TXNDC11: variants seen among roughly 807,000 people sequenced by gnomAD.
The protein encoded by TXNDC11 is thioredoxin domain containing 11.
In TXNDC11, 68 loss-of-function variants were observed where a neutral mutation model predicts 78.0. The observed-to-expected ratio is 0.87, with a 90% CI of 0.72 to 1.07. The LOEUF (loss-of-function observed/expected upper bound fraction) is 1.07. Among genes scored for constraint, TXNDC11 ranks in the 50% least tolerant of loss-of-function variants. The probability of loss-of-function intolerance (pLI) is 0.00; values close to 1 mark genes in which losing one functional copy is unlikely to be tolerated. For missense variants in TXNDC11, 1,389 were observed against 1,221.8 expected (o/e 1.14, Z -2.04); for synonymous variants, 571 against 495.2 (o/e 1.15, Z -2.03).
chr16:11,679,251 C>G lies in TXNDC11; in HGVS notation c.2821G>C (p.Ala941Pro). 9 of 1,613,414 alleles carry G rather than the reference C, an allele frequency of 5.6e-6. No individual in the cohort carries two copies. The highest frequency in any genetic ancestry group is 7.6e-6 in the Non-Finnish European group (9 of 1,180,022). ...GACACCAGTGTGGCGCTGACATTGG[C>G]AGGTGGAGGGGAGCTGCCAGGGAGC... ...PQLPGSSPPP[A>P]NVSATLVSER... is the part of the protein sequence containing the mutation. Residue 941 changes from alanine (A) to proline (P), a missense_variant, in exon 12 of 12, where the codon GCC (alanine) becomes CCC (proline). Transcript: ENST00000283033. The surrounding 1 kb of genome is among the most constrained non-coding windows in gnomAD (Gnocchi z 4.6).
chr16:11,698,654 T>C (rs1350494721), intron 6 of TXNDC11, among the ~76,000 whole-genome samples: 2 of 152,364 alleles, frequency 1.3e-5, no homozygotes, highest in Admixed American at 1.3e-4. Flanking sequence ...GGACAGGTAT[T>C]AAACGTCACT....
chr16:11,714,904 A>T (rs1411233584), intron 5 of TXNDC11, among the ~76,000 whole-genome samples: 2 of 152,106 alleles, frequency 1.3e-5, no homozygotes, highest in African/African-American at 4.8e-5. Flanking sequence ...TCATCAACTG[A>T]GTTTAGGAAT....
At chr16:11,728,621 C>A (rs1251912908) in intron 4 of TXNDC11, among the ~76,000 whole-genome samples, 1 of 152,136 alleles carries the variant, frequency 6.6e-6, no homozygotes, top group Non-Finnish European at 1.5e-5. Context: ...CTAACATGAA[C>A]TCCACACCAA....
chr16:11,688,057 G>A (rs2050613599), intron 9 of TXNDC11, 91 bp from the exon 10 acceptor site: 15 of 1,074,630 alleles, frequency 1.4e-5, no homozygotes, highest in South Asian at 1.3e-4. Context: ...GCAAGCACCC[G>A]AAAAATGCTA....
Position 11,742,692 on chromosome 16 carries a change from G to C in TXNDC11, c.39C>G (p.Ser13Arg), listed in dbSNP as rs1324105336. ...ECGGRGGGSS[S>R]SEDAEDEGGG... is the part of the protein sequence containing the mutation. ...CTCCCTCGTCCTCGGCGTCCTCGCT[G>C]CTGCTGCTGCCGCCGCCGCGGCCTC... The change falls in exon 1 of 12, where the codon AGC becomes AGG. Residue 13 changes from serine (S) to arginine (R), a missense_variant. Physicochemically the swap from Ser to Arg is moderately radical, Grantham distance 110. Transcript: ENST00000283033. 6.8e-7 allele frequency: 1 copy of C among 1,479,426 alleles called. No individual in the cohort carries two copies. The highest frequency in any genetic ancestry group is 2.8e-5 in the East Asian group (1 of 35,288). 91.6% of individuals were successfully genotyped at this position (1,479,426 alleles called of 1,614,324 possible).
At chr16:11,736,918 T>C (rs1221604263) in intron 1 of TXNDC11, among the ~76,000 whole-genome samples, 1 of 151,994 alleles carries the variant, frequency 6.6e-6, no homozygotes, top group Non-Finnish European at 1.5e-5. Flanking sequence ...AACAAACAAG[T>C]GGTCAGAAGT....
chr16:11,688,385 C>G lies in TXNDC11; in HGVS notation c.1961G>C (p.Ser654Thr), dbSNP rs1229281654. The G allele has an allele frequency of 1.2e-6, 2 of 1,613,888 alleles. No individual in the cohort carries two copies. Among genetic ancestry groups the G allele is most frequent in the East Asian group, 4.5e-5 (2 of 44,892 alleles). ...YSPLKRHLIG[S>T]GSAQFPSQHL... ...CTGAGACGGGAACTGGGCAGAGCCA[C>G]TTCCAATGAGATGCCTTTTCAAGGG... Residue 654 changes from serine to threonine, a missense_variant, in exon 9 of 12, where the codon AGT becomes ACT. Physicochemically the swap from Ser to Thr is moderately conservative, Grantham distance 58. Coordinates refer to ENST00000283033, the MANE Select transcript of TXNDC11 (RefSeq NM_015914.7).
At chr16:11,726,320 C>T (rs749485362) in intron 4 of TXNDC11, among the ~76,000 whole-genome samples, 3 of 152,102 alleles carry the variant, frequency 2.0e-5, no homozygotes, top group Non-Finnish European at 4.4e-5. Flanking sequence ...CGGTGCCTCA[C>T]GCCTGCAATC....
intron 1 of TXNDC11, chr16:11,741,935 G>A (rs1334296993): frequency 6.6e-6 from 1 of 152,574 alleles, no homozygotes; most frequent in African/African-American, 2.4e-5. Context: ...CAGGAGCTGA[G>A]GCAGAAGAAC....
Position 11,691,917 on chromosome 16 carries a change from T to G in TXNDC11, c.1273A>C (p.Asn425His), listed in dbSNP as rs1476109721. The G allele has an allele frequency of 6.2e-7, 1 of 1,613,648 alleles. No homozygotes were observed. Among genetic ancestry groups the G allele is most frequent in the Admixed American group, 1.7e-5 (1 of 60,024 alleles). ...PPTITASPCCNTVVLPQWHSF... is the reference protein window; with the variant it reads ...PPTITASPCCHTVVLPQWHSF... ...TGCCACTGGGGCAGCACCACAGTGTTGCAGCAGGGGGACGCTGTGATCGTT... is the reference window on the plus strand; with the variant it reads ...TGCCACTGGGGCAGCACCACAGTGTGGCAGCAGGGGGACGCTGTGATCGTT... Residue 425 changes from asparagine to histidine, a missense_variant, in exon 8 of 12, where the codon AAC (asparagine) becomes CAC (histidine). Transcript: ENST00000283033.
chr16:11,724,549 A>G (rs1253563833), intron 4 of TXNDC11, among the ~76,000 whole-genome samples: 1 of 152,088 alleles, frequency 6.6e-6, no homozygotes, highest in Non-Finnish European at 1.5e-5. Context: ...GGATCACCTG[A>G]CCTCAGGAGT....
At chr16:11,708,563 C>A (rs1248941898) in intron 5 of TXNDC11, among the ~76,000 whole-genome samples, 2 of 152,218 alleles carry the variant, frequency 1.3e-5, no homozygotes, top group African/African-American at 4.8e-5. Flanking sequence ...GAGACTTCTG[C>A]ATGAGCTCAT....
intron 1 of TXNDC11, chr16:11,742,064 G>C (rs995999419): frequency 7.2e-5 from 13 of 179,862 alleles, no homozygotes; most frequent in Non-Finnish European, 1.3e-4. Context: ...CAATGAGTGC[G>C]GGAATTCTAA....
chr16:11,692,217 C>T (rs1392534862), intron 7 of TXNDC11, 135 bp from the exon 8 acceptor site: 3 of 696,550 alleles, frequency 4.3e-6, no homozygotes, highest in East Asian at 5.6e-5. Flanking sequence ...TGGAAAATTC[C>T]AGAAATAAAC....
In TXNDC11 at chr16:11,691,945, C is replaced by T. The variant is rs1305337937; in HGVS notation, c.1245G>A (p.Pro415=). 4.3e-6 allele frequency: 7 copies of T among 1,611,274 alleles called. No individual in the cohort carries two copies. Among genetic ancestry groups the T allele is most frequent in the South Asian group, 2.2e-5 (2 of 90,938 alleles). The part of the protein sequence containing the change: ...ALEVPAQLPD[P]PTITASPCCN... ...AGCAGGGGGACGCTGTGATCGTTGG[C>T]GGGTCTGGCAGCTGTGCCGGCACTT... The change falls in exon 8 of 12, where the codon CCG becomes CCA. Residue 415 remains proline (P), a synonymous_variant. Coordinates refer to ENST00000283033, the MANE Select transcript of TXNDC11 (RefSeq NM_015914.7).
chr16:11,715,240 A>G (rs2051494535), intron 5 of TXNDC11, among the ~76,000 whole-genome samples: 1 of 152,210 alleles, frequency 6.6e-6, no homozygotes, highest in Non-Finnish European at 1.5e-5. Flanking sequence ...ACAAAACAAA[A>G]CAAAAAAATA....
Position 11,701,270 on chromosome 16 carries a change from G to A in TXNDC11, c.794-706C>T, listed in dbSNP as rs572328014. Among the ~76,000 whole-genome samples, 28 of 150,910 alleles carry A rather than the reference G, an allele frequency of 1.9e-4. No individual in the cohort carries two copies. The South Asian group carries it at 5.4e-3, about 29-fold the overall frequency. ...TCCTGCTTCAGCCTCCCAAGTAGCT[G>A]CAATTACAGGCGTGTGCCACCACAC... On this transcript the variant is annotated intron_variant, in intron 5 of 11. Transcript: ENST00000283033.
Position 11,679,849 on chromosome 16 carries a change from G to C in TXNDC11, c.2235-12C>G. ...CACTTAGGTCCTTTCTGGAGAGAGA[G>C]GGAAAGGAAGCAAAGACAGGAGTCA... On this transcript the variant is annotated splice_polypyrimidine_tract_variant and intron_variant, in intron 11 of 11. Transcript: ENST00000283033. This position sits in a 1 kb window ranked among gnomAD's most constrained non-coding sequence, Gnocchi z 4.6. 1 of 1,598,126 alleles carries C rather than the reference G, an allele frequency of 6.3e-7. No individual in the cohort carries two copies. The highest frequency in any genetic ancestry group is 8.6e-7 in the Non-Finnish European group (1 of 1,169,234).
At chr16:11,685,438 G>A (rs532956039) in intron 10 of TXNDC11, among the ~76,000 whole-genome samples, 1 of 152,144 alleles carries the variant, frequency 6.6e-6, no homozygotes, top group African/African-American at 2.4e-5. Flanking sequence ...GAGGTCAGGT[G>A]ATCGAGACCA....
Sources: allele counts gnomAD v4.1 joint callset (sites outside exome capture counted in the v4.1 genomes callset), GRCh38; gene constraint gnomAD v4.1.1; non-coding constraint Gnocchi (gnomAD v3.1); transcripts MANE v1.5; gene names NCBI Gene and HGNC (gene_info 2026-07-23, HGNC 2026-07-21).